The following PRKAR1B variants were observed in gnomAD, a reference collection of about 807,000 sequenced individuals.
PRKAR1B encodes cAMP-dependent protein kinase type I-beta regulatory subunit.
A neutral mutation model predicts 46.5 loss-of-function variants in PRKAR1B; 22 were observed. The ratio of observed to expected loss-of-function variants is 0.47; its 90% CI spans 0.34 to 0.68. The LOEUF (loss-of-function observed/expected upper bound fraction) is 0.68, where lower values mean the gene tolerates loss of function less well. Among genes scored for constraint, PRKAR1B ranks in the 30% least tolerant of loss-of-function variants. PRKAR1B has a pLI of 0.01. For synonymous variants in PRKAR1B, 259 were observed against 217.7 expected (o/e 1.19, Z -1.67); for missense variants, 445 against 535.6 (o/e 0.83, Z 1.67).
intron 8 of PRKAR1B, among the ~76,000 whole-genome samples, 172 bp downstream of exon 8, chr7:584,336 T>C (rs1472912229): frequency 6.6e-6 from 1 of 152,216 alleles, no homozygotes; most frequent in African/African-American, 2.4e-5. Flanking sequence ...TGACAGTGTG[T>C]GTCATCTGTG....
At chr7:663,902 C>T (rs531566853) in intron 4 of PRKAR1B, among the ~76,000 whole-genome samples, 1 of 152,184 alleles carries the variant, frequency 6.6e-6, no homozygotes, top group Non-Finnish European at 1.5e-5. Flanking sequence ...GACAGGTGGG[C>T]GTGCAGGGCC....
chr7:618,239 C>T (rs1161075668), intron 4 of PRKAR1B, among the ~76,000 whole-genome samples: 1 of 152,240 alleles, frequency 6.6e-6, no homozygotes, highest in East Asian at 1.9e-4. Context: ...CCGTTCCCGA[C>T]AGGCCCACAG....
rs180960127 is a variant in PRKAR1B, at chr7:651,144, G to T, written c.440+26085C>A. Among the ~76,000 whole-genome samples, 36 of 152,338 alleles carry T rather than the reference G, an allele frequency of 2.4e-4. 1 individual carries two copies. Among genetic ancestry groups the T allele is most frequent in the Admixed American group, 7.8e-4 (12 of 15,302 alleles). On this transcript the variant is annotated intron_variant, in intron 4 of 10. Coordinates refer to ENST00000537384, the MANE Select transcript of PRKAR1B (RefSeq NM_001164760.2). ...GCAGGTGCCAAATCTACTCTGCCCT[G>T]TCTCTGCCTCCTACAGGCACCCAGA... is the stretch of plus-strand genomic sequence containing the variant.
intron 4 of PRKAR1B, among the ~76,000 whole-genome samples, chr7:646,046 C>T (rs141033247): frequency 4.1e-4 from 63 of 152,160 alleles, no homozygotes; most frequent in African/African-American, 1.2e-3. Flanking sequence ...CCCAACTGCA[C>T]GCTATTTTTT....
intron 4 of PRKAR1B, among the ~76,000 whole-genome samples, chr7:615,068 C>A (rs950482899): frequency 1.3e-5 from 2 of 151,606 alleles, no homozygotes; most frequent in Admixed American, 1.3e-4. Flanking sequence ...CAGAGCAAGA[C>A]CCTGTCTCTA....
intron 4 of PRKAR1B, among the ~76,000 whole-genome samples, chr7:650,584 C>T (rs1450076684): frequency 6.6e-6 from 1 of 152,234 alleles, no homozygotes; most frequent in Non-Finnish European, 1.5e-5. Flanking sequence ...GCACACGTCC[C>T]GCCATTGCCA....
At chr7:698,943 T>C (rs143466084) in intron 2 of PRKAR1B, among the ~76,000 whole-genome samples, 3 of 152,076 alleles carry the variant, frequency 2.0e-5, no homozygotes, top group African/African-American at 7.2e-5. Context: ...AGCCTCTCCC[T>C]CCTGGAGGGC....
chr7:669,702 T>G (rs1786119026), intron 4 of PRKAR1B, among the ~76,000 whole-genome samples: 1 of 151,112 alleles, frequency 6.6e-6, no homozygotes, highest in Admixed American at 6.6e-5. Context: ...AGACGGAGGT[T>G]GCAGTGAGCC....
chr7:649,549 A>C (rs1784788944), intron 4 of PRKAR1B, among the ~76,000 whole-genome samples: 1 of 152,084 alleles, frequency 6.6e-6, no homozygotes, highest in South Asian at 2.1e-4. Flanking sequence ...ACACTGATTT[A>C]TATGTAGCGC....
At chr7:598,898 T>G (rs1781433197) in intron 6 of PRKAR1B, among the ~76,000 whole-genome samples, 1 of 152,224 alleles carries the variant, frequency 6.6e-6, no homozygotes, top group Non-Finnish European at 1.5e-5. Flanking sequence ...TCCCCCTGCC[T>G]TGGCAAAGAG....
intron 4 of PRKAR1B, among the ~76,000 whole-genome samples, chr7:634,596 C>A (rs10253160): frequency 0.083 from 12,553 of 151,050 alleles, 615 homozygotes; most frequent in African/African-American, 0.12. Flanking sequence ...TTAGGAGACA[C>A]CCAGTGAAGC....
intron 4 of PRKAR1B, among the ~76,000 whole-genome samples, chr7:664,307 C>T (rs1785783876): frequency 6.6e-6 from 1 of 152,200 alleles, no homozygotes; most frequent in South Asian, 2.1e-4. Flanking sequence ...TATGTGGTCC[C>T]CGACACAGCA....
At chr7:570,361 C>A (rs1012747864) in intron 9 of PRKAR1B, among the ~76,000 whole-genome samples, 2 of 152,200 alleles carry the variant, frequency 1.3e-5, no homozygotes, top group Non-Finnish European at 2.9e-5. Context: ...TTCATACCCC[C>A]CGTCAAGGAG....
At chr7:577,522 G>C (rs571782983) in intron 9 of PRKAR1B, among the ~76,000 whole-genome samples, 1 of 152,130 alleles carries the variant, frequency 6.6e-6, no homozygotes, top group Non-Finnish European at 1.5e-5. Context: ...CTGCAGAGCC[G>C]GGCAGGTCAC....
Position 711,531 on chromosome 7 carries a change from T to C in PRKAR1B, c.-22-4A>G. 2.5e-6 allele frequency: 4 copies of C among 1,609,448 alleles called. No homozygotes were observed. The highest frequency in any genetic ancestry group is 3.4e-6 in the Non-Finnish European group (4 of 1,177,584). On this transcript the variant is annotated splice_polypyrimidine_tract_variant and splice_region_variant and intron_variant, in intron 1 of 10. Transcript: ENST00000537384. ...GGCGAGGGTGGCTGCTTCCTTCCTG[T>C]CCAGAAAACACACAGATCCCCAGGC...
intron 9 of PRKAR1B, among the ~76,000 whole-genome samples, chr7:573,354 T>G (rs367811016): frequency 6.7e-6 from 1 of 149,542 alleles, no homozygotes; most frequent in South Asian, 2.1e-4. Context: ...CCCCACACAC[T>G]CTGTCAGTGG....
chr7:599,094 G>A (rs932815827), intron 6 of PRKAR1B, among the ~76,000 whole-genome samples: 5 of 152,148 alleles, frequency 3.3e-5, no homozygotes, highest in African/African-American at 9.7e-5. Context: ...CAAGGCCTCC[G>A]AGAGCTCCCT....
chr7:578,983 G>A, intron 9 of PRKAR1B: 1 of 1,287,972 alleles, frequency 7.8e-7, no homozygotes, highest in Non-Finnish European at 1.0e-6. Flanking sequence ...CGCCCGGCCA[G>A]TTTCATGCAG....
rs756797858 is a variant in PRKAR1B at position 639,032 on chromosome 7, C to A, written c.441-31580G>T. On this transcript the variant is annotated intron_variant, in intron 4 of 10. Coordinates refer to ENST00000537384, the MANE Select transcript of PRKAR1B (RefSeq NM_001164760.2). ...GGTGAAGGTTGTGTTGAGCCAAAAT[C>A]GCGCCACTGTACTCCAGCCTGGGTG... Among the ~76,000 whole-genome samples the A allele has an allele frequency of 2.6e-5, 4 of 152,228 alleles. No individual in the cohort carries two copies. The East Asian group carries it at 7.7e-4, about 29-fold the overall frequency.
Sources: allele counts gnomAD v4.1 joint callset (sites outside exome capture counted in the v4.1 genomes callset), GRCh38; gene constraint gnomAD v4.1.1; transcripts MANE v1.5; gene names NCBI Gene and HGNC (gene_info 2026-07-23, HGNC 2026-07-21).